SNTG2: variants seen among roughly 807,000 people sequenced by gnomAD.
The protein encoded by SNTG2 is gamma-2-syntrophin.
A neutral mutation model predicts 70.9 loss-of-function variants in SNTG2; 74 were observed. That is an observed-to-expected ratio of 1.04 (90% CI 0.86 to 1.27). The LOEUF (loss-of-function observed/expected upper bound fraction) is 1.27. SNTG2 is among the 50% of genes most tolerant of loss of function. The probability of loss-of-function intolerance (pLI) is 0.00; values close to 1 mark genes in which losing one functional copy is unlikely to be tolerated. For synonymous variants in SNTG2, 278 were observed against 273.8 expected, an observed-to-expected ratio of 1.02 and a Z score of -0.15; for missense variants, 717 against 690.7, an observed-to-expected ratio of 1.04 and a Z score of -0.43.
intron 1 of SNTG2, among the ~76,000 whole-genome samples, chr2:1,061,679 AAGTCCTTT>A (rs1662834405): frequency 6.6e-6 from 1 of 152,180 alleles, no homozygotes; most frequent in Admixed American, 6.5e-5. Flanking sequence ...CTGAGTAACG[AAGTCCTTT>A]AGTCCTTTGT....
intron 14 of SNTG2, among the ~76,000 whole-genome samples, chr2:1,283,337 C>T (rs1278745768): frequency 6.6e-6 from 1 of 152,160 alleles, no homozygotes; most frequent in East Asian, 1.9e-4. Context: ...ACCGGGGTGC[C>T]CACCCCTTTG....
intron 3 of SNTG2, 33 bp from the exon 4 acceptor site, chr2:1,098,320 A>G (rs1665529411): frequency 6.2e-7 from 1 of 1,613,708 alleles, no homozygotes; most frequent in Admixed American, 1.7e-5. Flanking sequence ...AATCATGATA[A>G]CCACGTTTCT....
chr2:1,005,035 A>T lies in SNTG2; in HGVS notation c.72+53967A>T, dbSNP rs929060269. 2.5e-4 allele frequency among the ~76,000 whole-genome samples: 38 copies of T among 152,342 alleles called. 1 individual carries two copies. The highest frequency in any genetic ancestry group is 8.9e-4 in the African/African-American group (37 of 41,588). Reference sequence around the variant, plus strand: ...AGAAATGAACTATCAAGCCACAAAAAAATGGAGGAAATTTACATGCAAATT... The same window carrying T: ...AGAAATGAACTATCAAGCCACAAAATAATGGAGGAAATTTACATGCAAATT... On this transcript the variant is annotated intron_variant, in intron 1 of 16. Transcript: ENST00000308624.
At chr2:1,206,827 T>G (rs2147984709) in intron 8 of SNTG2, among the ~76,000 whole-genome samples, 1 of 152,268 alleles carries the variant, frequency 6.6e-6, no homozygotes, top group South Asian at 2.1e-4. Flanking sequence ...ATGCATACTA[T>G]TTTGTTTATT....
chr2:1,093,644 T>C (rs1665180547), intron 2 of SNTG2, among the ~76,000 whole-genome samples: 1 of 152,268 alleles, frequency 6.6e-6, no homozygotes, highest in Non-Finnish European at 1.5e-5. Flanking sequence ...ACTGAAGTCC[T>C]GGTGTTTGAA....
intron 1 of SNTG2, among the ~76,000 whole-genome samples, chr2:1,078,510 A>G (rs1022168536): frequency 6.6e-6 from 1 of 152,106 alleles, no homozygotes; most frequent in Non-Finnish European, 1.5e-5. Context: ...GGGCAGGTGG[A>G]TGGGCCCCAG....
intron 9 of SNTG2, 37 bp from the exon 10 acceptor site, chr2:1,237,851 G>A (rs28541377): frequency 0.13 from 208,491 of 1,569,304 alleles, 19,010 homozygotes; most frequent in African/African-American, 0.41. Context: ...CGCTCCCGTC[G>A]CTGCGGGGCC....
chr2:1,271,484 A>G (rs1339982225), intron 14 of SNTG2, among the ~76,000 whole-genome samples: 1 of 152,188 alleles, frequency 6.6e-6, no homozygotes, highest in Non-Finnish European at 1.5e-5. Context: ...TAGCAACACA[A>G]AAACACAAAG....
chr2:1,234,095 C>T (rs1676449184), intron 9 of SNTG2, among the ~76,000 whole-genome samples: 1 of 152,062 alleles, frequency 6.6e-6, no homozygotes, highest in Non-Finnish European at 1.5e-5. Context: ...CACCATGAGG[C>T]GGGTAGAGAG....
chr2:1,135,225 T>C (rs1198105137), intron 4 of SNTG2, among the ~76,000 whole-genome samples: 8 of 152,196 alleles, frequency 5.3e-5, no homozygotes, highest in Admixed American at 5.2e-4. Context: ...GGGAATTTGG[T>C]TATGCATTTT....
At chr2:1,234,704 A>G (rs1397748182) in intron 9 of SNTG2, among the ~76,000 whole-genome samples, 1 of 152,164 alleles carries the variant, frequency 6.6e-6, no homozygotes, top group Non-Finnish European at 1.5e-5. Context: ...ACGTGCATTC[A>G]CTGCCTCAGG....
rs1347153602 is a variant in SNTG2, at chr2:1,097,690, G to A, written c.211-506G>A. Among the ~76,000 whole-genome samples, 3 of 152,046 alleles carry A rather than the reference G, an allele frequency of 2.0e-5. No homozygotes were observed. The highest frequency in any genetic ancestry group is 4.4e-5 in the Non-Finnish European group (3 of 68,020). On this transcript the variant is annotated intron_variant, in intron 2 of 16. Transcript: ENST00000308624. The surrounding 1 kb of genome is among the most constrained non-coding windows in gnomAD (Gnocchi z 4.1). ...CTACCCTTAAATATCCCAGACATCT[G>A]TGGTCAGAGGACGTGAAAAAATGGA... is the stretch of plus-strand genomic sequence containing the variant.
At chr2:1,212,909 T>C (rs987889907) in intron 9 of SNTG2, among the ~76,000 whole-genome samples, 9 of 152,072 alleles carry the variant, frequency 5.9e-5, no homozygotes, top group Non-Finnish European at 1.3e-4. Context: ...ATCAAACAGG[T>C]TTTAGAATCT....
chr2:1,000,363 A>G (rs1212205742), intron 1 of SNTG2, among the ~76,000 whole-genome samples: 1 of 151,930 alleles, frequency 6.6e-6, no homozygotes, highest in Non-Finnish European at 1.5e-5. Context: ...GAAAGGATAA[A>G]TTAAATTAAT....
At chr2:1,116,033 C>G (rs1666944584) in intron 4 of SNTG2, among the ~76,000 whole-genome samples, 1 of 152,172 alleles carries the variant, frequency 6.6e-6, no homozygotes, top group South Asian at 2.1e-4. Context: ...TTCCTTATGA[C>G]CAACACACTA....
intron 14 of SNTG2, among the ~76,000 whole-genome samples, chr2:1,293,769 T>C (rs1558184502): frequency 6.6e-6 from 1 of 152,174 alleles, no homozygotes; most frequent in Admixed American, 6.5e-5. Context: ...CGGCCGAGCA[T>C]GTGGAGCGAA....
intron 1 of SNTG2, among the ~76,000 whole-genome samples, chr2:1,071,286 T>C (rs1663523434): frequency 6.7e-6 from 1 of 149,954 alleles, no homozygotes; most frequent in African/African-American, 2.5e-5. Context: ...ATTAAGAAAA[T>C]GTGGCACATA....
At chr2:1,153,387 A>T (rs901628476) in intron 6 of SNTG2, among the ~76,000 whole-genome samples, 2 of 152,196 alleles carry the variant, frequency 1.3e-5, no homozygotes, top group Non-Finnish European at 2.9e-5. Flanking sequence ...TGTTTATTTT[A>T]AAATATGTGA....
At chr2:1,143,917 A>C (rs1329599670) in intron 6 of SNTG2, among the ~76,000 whole-genome samples, 1 of 139,484 alleles carries the variant, frequency 7.2e-6, no homozygotes, top group Non-Finnish European at 1.5e-5. Flanking sequence ...TATTATATTC[A>C]AAAACTATAA....
Sources: allele counts gnomAD v4.1 joint callset (sites outside exome capture counted in the v4.1 genomes callset), GRCh38; gene constraint gnomAD v4.1.1; non-coding constraint Gnocchi (gnomAD v3.1); transcripts MANE v1.5; gene names NCBI Gene and HGNC (gene_info 2026-07-23, HGNC 2026-07-21).